The following ERN1 variants were observed in gnomAD, a reference collection of about 807,000 sequenced individuals.
The protein encoded by ERN1 is endoplasmic reticulum to nucleus signaling 1.
ERN1 carries 39 observed loss-of-function variants against 113.1 expected under a neutral mutation model. The ratio of observed to expected loss-of-function variants is 0.34; its 90% CI spans 0.27 to 0.45. The LOEUF (loss-of-function observed/expected upper bound fraction) is 0.45, where lower values mean the gene tolerates loss of function less well. ERN1 is among the 20% of genes least tolerant of loss of function. The probability of loss-of-function intolerance (pLI) is 1.00; values close to 1 mark genes in which losing one functional copy is unlikely to be tolerated. For missense variants in ERN1, 976 were observed against 1,274.8 expected, an observed-to-expected ratio of 0.77 and a Z score of 3.57; for synonymous variants, 507 against 515.9, an observed-to-expected ratio of 0.98 and a Z score of 0.23.
Position 64,040,349 on chromosome 17 carries a change from A to G in ERN1, c.*3639T>C, listed in dbSNP as rs1174617879. 6.6e-6 allele frequency: 1 copy of G among 152,294 alleles called. No individual in the cohort carries two copies. The highest frequency in any genetic ancestry group is 1.5e-5 in the Non-Finnish European group (1 of 68,104). The allele number at this position is 152,294 out of a possible 1,614,324, so 9.4% of individuals were successfully genotyped here. A position where few individuals can be genotyped will look rare whatever the true frequency, so the allele number is the denominator to read the frequency against. ...ATGGGCACACCATGAGGACCCAAGG[A>G]AAGGACAGAGAAAGGAACGGCTCTG... On this transcript the variant is annotated 3_prime_UTR_variant, in exon 22 of 22. Coordinates refer to ENST00000433197, the MANE Select transcript of ERN1 (RefSeq NM_001433.5).
chr17:64,098,370 G>A (rs180740959), intron 1 of ERN1, 129 bp from the exon 2 acceptor site: 10 of 1,199,184 alleles, frequency 8.3e-6, no homozygotes, highest in Admixed American at 1.7e-5. Flanking sequence ...GAAATGGAAG[G>A]TGGAGAGCCT....
At chr17:64,086,496 C>T (rs886772059) in intron 2 of ERN1, among the ~76,000 whole-genome samples, 4 of 152,072 alleles carry the variant, frequency 2.6e-5, no homozygotes, top group Admixed American at 6.5e-5. Flanking sequence ...GAATTTACCA[C>T]AATCTGTTTA....
At chr17:64,082,850 A>AT (rs10694066) in intron 2 of ERN1, among the ~76,000 whole-genome samples, 6,252 of 150,664 alleles carry the variant, frequency 0.041, 452 homozygotes, top group African/African-American at 0.14. Context: ...AAGAACTGTG[A>AT]TTTTTTTTTT....
chr17:64,125,736 G>A (rs562885981), intron 1 of ERN1, among the ~76,000 whole-genome samples: 3 of 152,228 alleles, frequency 2.0e-5, no homozygotes, highest in East Asian at 1.9e-4. Context: ...TGATTCACCC[G>A]CCTTGGCCTC....
chr17:64,129,544 A>G (rs1480330803), intron 1 of ERN1: 3 of 341,738 alleles, frequency 8.8e-6, no homozygotes, highest in Non-Finnish European at 1.6e-5. Flanking sequence ...CTGGATCCCA[A>G]CGCCCTTTCG....
intron 2 of ERN1, among the ~76,000 whole-genome samples, chr17:64,081,421 T>C (rs561117935): frequency 6.6e-6 from 1 of 152,338 alleles, no homozygotes; most frequent in Non-Finnish European, 1.5e-5. Context: ...GATGTGTACG[T>C]AGCAGCATTA....
chr17:64,123,676 C>T (rs1429655674), intron 1 of ERN1, among the ~76,000 whole-genome samples: 1 of 151,940 alleles, frequency 6.6e-6, no homozygotes, highest in East Asian at 1.9e-4. Context: ...AATCTATCTC[C>T]AGGAAATAAC....
chr17:64,109,131 A>G (rs564827335), intron 1 of ERN1, among the ~76,000 whole-genome samples: 75 of 151,660 alleles, frequency 4.9e-4, no homozygotes, highest in African/African-American at 1.8e-3. Flanking sequence ...TCTCAAAAAA[A>G]ATAGAAAAAA....
At chr17:64,084,922 A>G (rs767993312) in intron 2 of ERN1, among the ~76,000 whole-genome samples, 2 of 152,180 alleles carry the variant, frequency 1.3e-5, no homozygotes, top group Non-Finnish European at 2.9e-5. Flanking sequence ...GCCACCTCAG[A>G]GCGGTCTTCC....
intron 3 of ERN1, chr17:64,080,517 G>C: frequency 4.6e-6 from 2 of 435,376 alleles, no homozygotes; most frequent in Non-Finnish European, 8.4e-6. Context: ...TGAGGACTTT[G>C]GAAGTTTAAG....
chr17:64,115,252 C>T (rs907857510), intron 1 of ERN1, among the ~76,000 whole-genome samples: 1 of 152,216 alleles, frequency 6.6e-6, no homozygotes, highest in Admixed American at 6.5e-5. Context: ...TCCAGGCACT[C>T]CCTGCCTCAT....
chr17:64,051,549 A>T lies in ERN1; in HGVS notation c.2253+1231T>A, dbSNP rs371500944. On this transcript the variant is annotated intron_variant, in intron 17 of 21. Coordinates refer to ENST00000433197, the MANE Select transcript of ERN1 (RefSeq NM_001433.5). The stretch of plus-strand genomic sequence containing the variant: ...CCACCTAACTTCTGGTTTCCAGGAA[A>T]TACAAGGAATACAGAGAAATGTTCA... 1.6e-3 allele frequency among the ~76,000 whole-genome samples: 248 copies of T among 152,360 alleles called. 1 individual carries two copies. Among genetic ancestry groups the T allele is most frequent in the African/African-American group, 5.8e-3 (242 of 41,580 alleles).
At position 64,063,246 on chromosome 17, in the gene ERN1, C is replaced by A. The variant is rs1353493080; in HGVS notation, c.1087+740G>T. On this transcript the variant is annotated intron_variant, in intron 10 of 21. Coordinates refer to ENST00000433197, the MANE Select transcript of ERN1 (RefSeq NM_001433.5). This position sits in a 1 kb window ranked among gnomAD's most constrained non-coding sequence, Gnocchi z 5.1. Reference sequence around the variant, plus strand: ...AGTGAGGGATGGGGCACAGGAAGGGCAGATGGGGTTCAAGAAAACTCCCTC... The same window carrying A: ...AGTGAGGGATGGGGCACAGGAAGGGAAGATGGGGTTCAAGAAAACTCCCTC... Among the ~76,000 whole-genome samples the A allele has an allele frequency of 2.0e-5, 3 of 152,246 alleles. No homozygotes were observed. Among genetic ancestry groups the A allele is most frequent in the African/African-American group, 7.2e-5 (3 of 41,468 alleles).
At chr17:64,056,847 T>C (rs896064175) in intron 12 of ERN1, among the ~76,000 whole-genome samples, 3 of 152,152 alleles carry the variant, frequency 2.0e-5, no homozygotes, top group Admixed American at 2.0e-4. Flanking sequence ...CTGAGTGAGG[T>C]GAAAAGTGAA....
intron 1 of ERN1, chr17:64,103,059 G>T: frequency 1.7e-6 from 1 of 578,096 alleles, no homozygotes; most frequent in Non-Finnish European, 2.2e-6. Flanking sequence ...ATCAGACTCT[G>T]TCCAGCATGT....
chr17:64,127,262 A>G (rs1299510904), intron 1 of ERN1, among the ~76,000 whole-genome samples: 1 of 152,272 alleles, frequency 6.6e-6, no homozygotes, highest in African/African-American at 2.4e-5. Flanking sequence ...TAGTTACTAC[A>G]TCAATCAAAA....
intron 6 of ERN1, among the ~76,000 whole-genome samples, chr17:64,069,491 G>C (rs1913341123): frequency 6.6e-6 from 1 of 152,148 alleles, no homozygotes; most frequent in Non-Finnish European, 1.5e-5. Flanking sequence ...GCAGAACCAA[G>C]AGCCACTGAG....
chr17:64,057,872 TC>T lies in ERN1; in HGVS notation c.1327del (p.Asp443ThrfsTer7). The T allele has an allele frequency of 6.2e-7, 1 of 1,613,962 alleles. No homozygotes were observed. Among genetic ancestry groups the T allele is most frequent in the Non-Finnish European group, 8.5e-7 (1 of 1,179,862 alleles). The stretch of plus-strand genomic sequence containing the variant: ...GGTGCTCAGGATGATGGTAGCCATG[TC>T]CTTAAGCATGGAGTCCACGGGGGCC... ...PEAPVDSMLK[D>X]MATIILSTFL... On this transcript the variant is annotated frameshift_variant, in exon 12 of 22. Transcript: ENST00000433197. LOFTEE classifies it high-confidence loss of function.
intron 12 of ERN1, among the ~76,000 whole-genome samples, chr17:64,057,420 G>A (rs1272291107): frequency 6.7e-6 from 1 of 150,154 alleles, no homozygotes; most frequent in Non-Finnish European, 1.5e-5. Context: ...CCAGGCTGGA[G>A]TGCAGTGGTG....
Sources: gnomAD v4.1 joint callset for allele counts (sites outside exome capture counted in the v4.1 genomes callset) on GRCh38, gnomAD v4.1.1 for gene constraint, Gnocchi (gnomAD v3.1) non-coding constraint, MANE v1.5 for transcripts, NCBI Gene and HGNC (gene_info 2026-07-23, HGNC 2026-07-21) for gene names.